Variants in DNAH5 observed in about 807,000 individuals in gnomAD.
DNAH5 encodes the protein axonemal beta dynein heavy chain 5.
In DNAH5, 372 loss-of-function variants were observed where a neutral mutation model predicts 518.2. The ratio of observed to expected loss-of-function variants is 0.72; its 90% CI spans 0.66 to 0.78. The LOEUF (loss-of-function observed/expected upper bound fraction) is 0.78. DNAH5 is among the 30% of genes least tolerant of loss of function. DNAH5 has a pLI of 0.00. For missense variants in DNAH5, 5,523 were observed against 5,687.0 expected (o/e 0.97, Z 0.93); for synonymous variants, 2,039 against 2,025.9 (o/e 1.01, Z -0.17).
At chr5:13,984,123 G>A (rs7446540) in intron 1 of DNAH5, among the ~76,000 whole-genome samples, 5,638 of 152,238 alleles carry the variant, frequency 0.037, 196 homozygotes, top group East Asian at 0.12. Context: ...GACATGACAG[G>A]AAGCATGACG....
At chr5:13,851,082 T>C (rs1305988054) in intron 30 of DNAH5, among the ~76,000 whole-genome samples, 1 of 152,146 alleles carries the variant, frequency 6.6e-6, no homozygotes, top group African/African-American at 2.4e-5. Context: ...AAAGTAATAA[T>C]ACAATTCAAG....
At chr5:13,997,266 G>A (rs2152079468) in intron 1 of DNAH5, among the ~76,000 whole-genome samples, 1 of 152,142 alleles carries the variant, frequency 6.6e-6, no homozygotes, top group South Asian at 2.1e-4. Context: ...TTTATTATAA[G>A]AGTCAAGAGA....
rs375610185 is a variant in DNAH5 at position 13,691,984 on chromosome 5, T to G, written c.13875A>C (p.Ter4625TyrextTer16). 6.2e-7 allele frequency: 1 copy of G among 1,613,964 alleles called. No homozygotes were observed. The highest frequency in any genetic ancestry group is 1.3e-5 in the African/African-American group (1 of 74,896). ...ATTGGGTGGGGACACTCCCCACATG[T>G]TACTTGACATCACACAGAAGGGCAA... ...RGVALLCDVK[*>Y] Residue 4625 changes from the stop codon to tyrosine (Y), a stop_lost, in exon 79 of 79, where the codon TAA becomes TAC. Transcript: ENST00000265104.
intron 21 of DNAH5, among the ~76,000 whole-genome samples, chr5:13,881,373 C>G (rs12657102): frequency 0.44 from 66,542 of 151,678 alleles, 14,787 homozygotes; most frequent in East Asian, 0.73. Flanking sequence ...AACATTCTCT[C>G]TATGGTAGAT....
At chr5:13,800,897 C>T (rs1278661784) in intron 47 of DNAH5, among the ~76,000 whole-genome samples, 1 of 151,956 alleles carries the variant, frequency 6.6e-6, no homozygotes, top group African/African-American at 2.4e-5. Flanking sequence ...CTGTCTCCTC[C>T]ACTAGAAGGT....
At chr5:13,919,602 T>G (rs186001522) in intron 6 of DNAH5, among the ~76,000 whole-genome samples, 351 of 152,314 alleles carry the variant, frequency 2.3e-3, no homozygotes, top group African/African-American at 7.9e-3. Flanking sequence ...AGTTTATATT[T>G]TGGGGGGTTT....
intron 69 of DNAH5, among the ~76,000 whole-genome samples, chr5:13,729,130 A>C (rs767367225): frequency 4.6e-5 from 7 of 152,212 alleles, no homozygotes; most frequent in Non-Finnish European, 8.8e-5. Flanking sequence ...AGTCTATCTA[A>C]TTATTTAATC....
chr5:13,835,314 C>A (rs1306632830), intron 35 of DNAH5, among the ~76,000 whole-genome samples: 1 of 151,662 alleles, frequency 6.6e-6, no homozygotes, highest in East Asian at 1.9e-4. Context: ...ATAGAAATAA[C>A]TGTAGGCAGA....
Position 13,707,127 on chromosome 5 carries a change from C to T in DNAH5, c.13338+996G>A, listed in dbSNP as rs1742893830. On this transcript the variant is annotated intron_variant, in intron 76 of 78. Transcript: ENST00000265104. This position sits in a 1 kb window ranked among gnomAD's most constrained non-coding sequence, Gnocchi z 4.0. ...CGCAGAAGGGCACACTGACAGACAC[C>T]AGCATATACTGGCAGGACCAACAGA... Among the ~76,000 whole-genome samples the T allele has an allele frequency of 6.6e-6, 1 of 152,214 alleles. No homozygotes were observed. The highest frequency in any genetic ancestry group is 1.5e-5 in the Non-Finnish European group (1 of 68,038).
chr5:13,819,576 G>T (rs1580409307), intron 41 of DNAH5, among the ~76,000 whole-genome samples: 1 of 152,056 alleles, frequency 6.6e-6, no homozygotes, highest in Non-Finnish European at 1.5e-5. Flanking sequence ...GAACCTCAAT[G>T]CACTGCTATA....
In DNAH5 at chr5:13,809,181, A is replaced by C; in HGVS notation, c.7615T>G (p.Trp2539Gly). 6.2e-7 allele frequency: 1 copy of C among 1,614,134 alleles called. No homozygotes were observed. Among genetic ancestry groups the C allele is most frequent in the Non-Finnish European group, 8.5e-7 (1 of 1,180,000 alleles). ...TGGGTACGCGTGTTCCAGTGCGTCC[A>C]TGTACCTAAGGTGAGCAGAGGACAT... ...FDYYVAPDGTWTHWNTRTQEY... is the reference protein window; with the variant it reads ...FDYYVAPDGTGTHWNTRTQEY... Residue 2539 changes from tryptophan to glycine, a missense_variant, in exon 46 of 79, where the codon TGG (tryptophan) becomes GGG (glycine). By Grantham distance (184) the Trp-to-Gly change is radical. Coordinates refer to ENST00000265104, the MANE Select transcript of DNAH5 (RefSeq NM_001369.3).
intron 1 of DNAH5, among the ~76,000 whole-genome samples, chr5:13,938,296 T>A (rs1779136446): frequency 6.6e-6 from 1 of 152,030 alleles, no homozygotes; most frequent in South Asian, 2.1e-4. Context: ...AAACACTATA[T>A]CACAATGCCT....
intron 12 of DNAH5, among the ~76,000 whole-genome samples, chr5:13,903,291 AG>A (rs1774905620): frequency 6.6e-6 from 1 of 152,156 alleles, no homozygotes; most frequent in Non-Finnish European, 1.5e-5. Context: ...CCCAAAGTAT[AG>A]CAGAGAAATA....
At position 13,811,796 on chromosome 5, in the gene DNAH5, C is replaced by T. The variant is rs1404921254; in HGVS notation, c.7258G>A (p.Glu2420Lys). 1.1e-5 allele frequency: 18 copies of T among 1,614,138 alleles called. No individual in the cohort carries two copies. Among genetic ancestry groups the T allele is most frequent in the Non-Finnish European group, 1.4e-5 (17 of 1,180,024 alleles). ...TACAGCTGACGAAGAATTTCTGCTT[C>T]TTGAGGTGAGCGTTTCTTAAGAAAA... The part of the protein sequence containing the change: ...EGFLKKRSPQ[E>K]AEILRQLYTE... The change falls in exon 44 of 79, where the codon GAA (glutamate) becomes AAA (lysine). Residue 2420 changes from glutamate (E) to lysine (K), a missense_variant. Coordinates refer to ENST00000265104, the MANE Select transcript of DNAH5 (RefSeq NM_001369.3).
chr5:13,769,201 A>AT (rs1423681375), intron 57 of DNAH5, 65 bp from the exon 58 acceptor site: 2 of 1,544,720 alleles, frequency 1.3e-6, no homozygotes, highest in African/African-American at 1.4e-5. Context: ...GAAAATGCAC[A>AT]TTTTTGCCTT....
chr5:13,808,689 G>A (rs2127003772), intron 46 of DNAH5, among the ~76,000 whole-genome samples: 1 of 149,818 alleles, frequency 6.7e-6, no homozygotes, highest in East Asian at 2.0e-4. Context: ...GCTGGGCACG[G>A]TGGCTCACGC....
chr5:13,794,060 T>C lies in DNAH5; in HGVS notation c.7888-2A>G, dbSNP rs1230911299. 1.2e-6 allele frequency: 2 copies of C among 1,613,808 alleles called. No individual in the cohort carries two copies. The highest frequency in any genetic ancestry group is 2.7e-5 in the African/African-American group (2 of 74,892). On this transcript the variant is annotated splice_acceptor_variant, in intron 47 of 78. Transcript: ENST00000265104. LOFTEE classifies it high-confidence loss of function. The stretch of plus-strand genomic sequence containing the variant: ...ATCCACATAGCTCTCTATCGTCCTC[T>C]GTGAAAAAAAAATCAACTGAAACAT...
At position 13,691,493 on chromosome 5, in the gene DNAH5, T is replaced by A. The variant is rs1740686386; in HGVS notation, c.*491A>T. ...CATTCTTCTATTTCCTTCTATTTTT[T>A]AAAAGGTATTTTTAATTGGCTGCTT... is the stretch of plus-strand genomic sequence containing the variant. On this transcript the variant is annotated 3_prime_UTR_variant, in exon 79 of 79. Transcript: ENST00000265104. 1 of 154,946 alleles carries A rather than the reference T, an allele frequency of 6.5e-6. No homozygotes were observed. Among genetic ancestry groups the A allele is most frequent in the South Asian group, 2.0e-4 (1 of 5,018 alleles). The allele number at this position is 154,946 out of a possible 1,614,324, so 9.6% of individuals were successfully genotyped here.
intron 40 of DNAH5, among the ~76,000 whole-genome samples, chr5:13,821,205 C>T (rs544867947): frequency 9.9e-5 from 15 of 152,170 alleles, no homozygotes; most frequent in African/African-American, 3.4e-4. Flanking sequence ...TATAAATATT[C>T]GATTGAATGA....
Sources: gnomAD v4.1 joint callset for allele counts (sites outside exome capture counted in the v4.1 genomes callset) on GRCh38, gnomAD v4.1.1 for gene constraint, Gnocchi (gnomAD v3.1) non-coding constraint, MANE v1.5 for transcripts, NCBI Gene and HGNC (gene_info 2026-07-23, HGNC 2026-07-21) for gene names.